The following POLR1C variants were observed in gnomAD, a reference collection of about 807,000 sequenced individuals.
POLR1C encodes DNA-directed RNA polymerases I and III subunit RPAC1.
Under a neutral mutation model 38.3 loss-of-function variants are expected in POLR1C, and 42 were observed. The ratio of observed to expected loss-of-function variants is 1.10; its 90% CI spans 0.86 to 1.42. The LOEUF is 1.42. Among genes scored for constraint, POLR1C ranks in the 40% most tolerant of loss-of-function variants. The probability of loss-of-function intolerance (pLI) is 0.00; values close to 1 mark genes in which losing one functional copy is unlikely to be tolerated. For missense variants in POLR1C, 507 were observed against 450.5 expected (o/e 1.13, Z -1.14); for synonymous variants, 163 against 163.9 (o/e 0.99, Z 0.04).
chr6:43,539,047 G>A (rs1476809272), intron 9 of POLR1C: 33 of 1,540,968 alleles, frequency 2.1e-5, no homozygotes, highest in Middle Eastern at 2.3e-4. Flanking sequence ...AGCAGTCATC[G>A]ATACCAGCCA....
At position 43,520,938 on chromosome 6, in the gene POLR1C, A is replaced by G. The variant is rs1161051971; in HGVS notation, c.812A>G (p.Lys271Arg). The G allele has an allele frequency of 1.9e-6, 3 of 1,613,928 alleles. No homozygotes were observed. Among genetic ancestry groups the G allele is most frequent in the South Asian group, 2.2e-5 (2 of 91,086 alleles). Residue 271 changes from lysine to arginine, a missense_variant, in exon 8 of 9, where the codon AAG (lysine) becomes AGG (arginine). Physicochemically the swap from Lys to Arg is conservative, Grantham distance 26 (BLOSUM62 2). Transcript: ENST00000642195. ...CATGGTTTGTTCTCATTAGGTAAAA[A>G]GGTGGCCAGAGTTGCCAACCCCCGG... ...VIEVQEVQGK[K>R]VARVANPRLD...
chr6:43,557,587 C>A (rs1372116026), intron 10 of POLR1C, among the ~76,000 whole-genome samples: 4 of 151,844 alleles, frequency 2.6e-5, no homozygotes, highest in African/African-American at 9.7e-5. Context: ...TACTGGTTGC[C>A]TAGGACTGGG....
intron 8 of POLR1C, chr6:43,526,553 G>T: frequency 2.0e-6 from 2 of 986,620 alleles, no homozygotes; most frequent in Admixed American, 2.0e-5. Context: ...CAGCAAGAGG[G>T]CTGGTCCAGA....
chr6:43,527,609 GC>G, intron 8 of POLR1C: 1 of 1,611,250 alleles, frequency 6.2e-7, no homozygotes, highest in Non-Finnish European at 8.5e-7. Context: ...ATCCTCTATA[GC>G]CCCAGTTTCG....
At chr6:43,555,046 A>G (rs1439751896) in intron 10 of POLR1C, 1 of 150,106 alleles carries the variant, frequency 6.7e-6, no homozygotes, top group African/African-American at 2.5e-5. Flanking sequence ...GGTTCAAGCG[A>G]TTCTCCTACC....
At chr6:43,528,030 T>C (rs564406789) in intron 8 of POLR1C, 2 of 973,508 alleles carry the variant, frequency 2.1e-6, no homozygotes, top group Non-Finnish European at 3.1e-6. Flanking sequence ...ATGTATCACC[T>C]AGGCTGAGAA....
intron 9 of POLR1C, among the ~76,000 whole-genome samples, chr6:43,537,260 C>CT: frequency 6.6e-6 from 1 of 152,062 alleles, no homozygotes; most frequent in Admixed American, 6.6e-5. Flanking sequence ...GCATGAGCCA[C>CT]TATTCCCAGC....
At chr6:43,531,086 G>A (rs1793946164), downstream of POLR1C, among the ~76,000 whole-genome samples, 1 of 152,202 alleles carries the variant, frequency 6.6e-6, no homozygotes. Flanking sequence ...GTAGTGGTTA[G>A]TGAGGCCAAA....
At chr6:43,555,794 G>C (rs971576765) in intron 10 of POLR1C, 12 of 1,612,004 alleles carry the variant, frequency 7.4e-6, no homozygotes, top group Non-Finnish European at 1.0e-5. Flanking sequence ...TTTTGATACT[G>C]TCCTAACATT....
At chr6:43,526,785 G>T (rs755075375) in intron 8 of POLR1C, 1 of 1,603,326 alleles carries the variant, frequency 6.2e-7, no homozygotes, top group Non-Finnish European at 8.5e-7. Flanking sequence ...TGAAGGGTGG[G>T]TATATACTAC....
intron 8 of POLR1C, chr6:43,526,651 GAGC>G: frequency 6.2e-7 from 1 of 1,612,226 alleles, no homozygotes. Context: ...AGGAGGCTAA[GAGC>G]AGAACTCCAA....
chr6:43,527,621 A>G (rs1277330345), intron 8 of POLR1C: 1 of 1,613,626 alleles, frequency 6.2e-7, no homozygotes, highest in South Asian at 1.1e-5. Flanking sequence ...CCCAGTTTCG[A>G]CATGCCACTT....
rs575931225 is a variant in POLR1C, at chr6:43,538,910, G to A, written c.*4+9551G>A. 165 of 1,224,110 alleles carry A rather than the reference G, an allele frequency of 1.3e-4. No individual in the cohort carries two copies. In the East Asian group the frequency reaches 1.9e-3, roughly 14 times the overall value. The allele number at this position is 1,224,110 out of a possible 1,614,324, so 75.8% of individuals were successfully genotyped here. A position where few individuals can be genotyped will look rare whatever the true frequency, so the allele number is the denominator to read the frequency against. On this transcript the variant is annotated intron_variant, in intron 9 of 10. Transcript: ENST00000607635. ...GAGGTGGTCAGTGAATTCCTGATAGGGAGACTTGGTAAATACAGTCTCCTT... is the reference window on the plus strand; with the variant it reads ...GAGGTGGTCAGTGAATTCCTGATAGAGAGACTTGGTAAATACAGTCTCCTT...
chr6:43,546,095 A>C (rs769897963), intron 9 of POLR1C, among the ~76,000 whole-genome samples: 14 of 152,172 alleles, frequency 9.2e-5, no homozygotes, highest in Non-Finnish European at 2.1e-4. Flanking sequence ...TGAAAAATTT[A>C]TAATTCCTTT....
rs558564968 is a variant in POLR1C, at chr6:43,557,341, G to A, written c.*49-4059G>A. Among the ~76,000 whole-genome samples the A allele has an allele frequency of 1.2e-3, 177 of 150,968 alleles. 1 individual carries two copies. Among genetic ancestry groups the A allele is most frequent in the African/African-American group, 3.9e-3 (161 of 41,026 alleles). On this transcript the variant is annotated intron_variant, in intron 10 of 10. Coordinates refer to the POLR1C transcript ENST00000607635. ...TTCAGGAGGCTGAGGCAGGAGAATCGCTTGAATCCGGGAGGCAGAGGTTGC... is the reference window on the plus strand; with the variant it reads ...TTCAGGAGGCTGAGGCAGGAGAATCACTTGAATCCGGGAGGCAGAGGTTGC...
rs765139738 is a variant in POLR1C, at chr6:43,553,373, T to G, written c.*48+2362T>G. 3.1e-6 allele frequency: 5 copies of G among 1,607,152 alleles called. No homozygotes were observed. The South Asian group carries it at 5.6e-5, about 18-fold the overall frequency. ...GTCAGCATGGGAAATAATTACTTAC[T>G]TCTCTATTTAGTGTTCGAAACATCT... On this transcript the variant is annotated intron_variant, in intron 10 of 10. Coordinates refer to the POLR1C transcript ENST00000607635.
chr6:43,539,639 C>T (rs940851074), intron 9 of POLR1C: 93 of 1,320,422 alleles, frequency 7.0e-5, no homozygotes, highest in Non-Finnish European at 8.5e-5. Flanking sequence ...GAAGCCACCG[C>T]GGTTCCCCAT....
In POLR1C at chr6:43,560,208, A is replaced by G. The variant is rs755114936; in HGVS notation, c.*49-1192A>G. 8.7e-6 allele frequency: 14 copies of G among 1,612,756 alleles called. No homozygotes were observed. The South Asian group carries it at 1.3e-4, about 15-fold the overall frequency. On this transcript the variant is annotated intron_variant, in intron 10 of 10. Coordinates refer to the POLR1C transcript ENST00000607635. ...CCAAGTTAGTCATGGAAGCACGAAG[A>G]TATTTTGGTATTATTGCTAATAGCA...
chr6:43,556,671 A>G (rs1198722473), intron 10 of POLR1C, among the ~76,000 whole-genome samples: 2 of 152,202 alleles, frequency 1.3e-5, no homozygotes, highest in African/African-American at 4.8e-5. Flanking sequence ...TCCTAGTTAT[A>G]TATCTAAGAT....
Sources: gnomAD v4.1 joint callset for allele counts (sites outside exome capture counted in the v4.1 genomes callset) on GRCh38, gnomAD v4.1.1 for gene constraint, MANE v1.5 for transcripts, NCBI Gene and HGNC (gene_info 2026-07-23, HGNC 2026-07-21) for gene names.